Variants in CLEC4F observed in about 807,000 individuals in gnomAD.
CLEC4F encodes the protein C-type (calcium dependent, carbohydrate-recognition domain) lectin, superfamily member 13.
CLEC4F carries 45 observed loss-of-function variants against 53.4 expected under a neutral mutation model. The observed-to-expected ratio is 0.84, with a 90% CI of 0.66 to 1.08. The LOEUF is 1.08. Ranked by LOEUF, CLEC4F falls within the 50% of genes least tolerant of loss-of-function variation. CLEC4F has a pLI of 0.00. For missense variants in CLEC4F, 753 were observed against 698.2 expected, an observed-to-expected ratio of 1.08 and a Z score of -0.88; for synonymous variants, 245 against 257.5, an observed-to-expected ratio of 0.95 and a Z score of 0.46.
At chr2:70,811,530 T>C (rs1676562753) in intron 5 of CLEC4F, 1 of 385,796 alleles carries the variant, frequency 2.6e-6, no homozygotes, top group African/African-American at 2.1e-5. Flanking sequence ...AGTTGCATGT[T>C]CTTTCTCAGG....
intron 4 of CLEC4F, among the ~76,000 whole-genome samples, chr2:70,814,181 A>G (rs1490965718): frequency 1.3e-5 from 2 of 152,226 alleles, no homozygotes; most frequent in African/African-American, 2.4e-5. Flanking sequence ...CCAGCACTAA[A>G]TGGTACATCC....
chr2:70,810,314 C>G (rs1676476305), intron 5 of CLEC4F, among the ~76,000 whole-genome samples: 1 of 152,058 alleles, frequency 6.6e-6, no homozygotes, highest in Non-Finnish European at 1.5e-5. Flanking sequence ...TTATGAATAA[C>G]TTAAAAAGTA....
Position 70,809,035 on chromosome 2 carries a change from C to G in CLEC4F, c.*236G>C. On this transcript the variant is annotated 3_prime_UTR_variant, in exon 7 of 7. Coordinates refer to ENST00000272367, the MANE Select transcript of CLEC4F (RefSeq NM_173535.3). ...AATTTGGACACAGTCTTCAGTCTGC[C>G]CATTCTTGTGCCGCCAGTTGTCAGA... 2.0e-6 allele frequency: 3 copies of G among 1,501,308 alleles called. No homozygotes were observed. Among genetic ancestry groups the G allele is most frequent in the East Asian group, 4.9e-5 (2 of 40,720 alleles). The allele number at this position is 1,501,308 out of a possible 1,614,324, so 93.0% of individuals were successfully genotyped here.
rs1332441127 is a variant in CLEC4F, at chr2:70,809,343, A to G, written c.1698T>C (p.Ile566=). The change falls in exon 7 of 7, where the codon ATT becomes ATC. Residue 566 remains isoleucine, a synonymous_variant. Transcript: ENST00000272367. ...AAGCTCCCATCCCAGAATTCACAAT[A>G]ATATACTTTCTGAGTGGGCAGGATC... ...SKGSCPLRKY[I]IVNSGMGACS... 6 of 1,613,458 alleles carry G rather than the reference A, an allele frequency of 3.7e-6. No homozygotes were observed. Among genetic ancestry groups the G allele is most frequent in the Non-Finnish European group, 5.1e-6 (6 of 1,179,770 alleles).
intron 5 of CLEC4F, chr2:70,810,851 G>A (rs1676518994): frequency 5.4e-6 from 3 of 551,960 alleles, no homozygotes; most frequent in Non-Finnish European, 1.1e-5. Context: ...TCTAAAATTG[G>A]TACAATCAGG....
chr2:70,811,950 C>T (rs534032339), intron 5 of CLEC4F, among the ~76,000 whole-genome samples: 1 of 152,260 alleles, frequency 6.6e-6, no homozygotes, highest in South Asian at 2.1e-4. Context: ...TGGTGTCGTG[C>T]ATCTGTAGTC....
At chr2:70,810,618 C>CAAAAA (rs58138583) in intron 5 of CLEC4F, among the ~76,000 whole-genome samples, 1,862 of 48,680 alleles carry the variant, frequency 0.038, 148 homozygotes, top group Non-Finnish European at 0.059. Context: ...AACTCTGTCG[C>CAAAAA]AAAAAAAAAA....
intron 4 of CLEC4F, among the ~76,000 whole-genome samples, chr2:70,815,752 T>C (rs1367215326): frequency 6.6e-6 from 1 of 152,156 alleles, no homozygotes; most frequent in Non-Finnish European, 1.5e-5. Flanking sequence ...ATCACACACG[T>C]GCACCATTTA....
chr2:70,824,410 A>G (rs1448836271), upstream of CLEC4F, among the ~76,000 whole-genome samples: 1 of 152,016 alleles, frequency 6.6e-6, no homozygotes, highest in Non-Finnish European at 1.5e-5. Flanking sequence ...TGTACACACA[A>G]ATATTACTTA....
chr2:70,823,752 G>A (rs1553398463), upstream of CLEC4F, among the ~76,000 whole-genome samples: 5 of 152,328 alleles, frequency 3.3e-5, no homozygotes, highest in Admixed American at 3.3e-4. Context: ...GAACTGGCCA[G>A]GCACGGTGGC....
intron 4 of CLEC4F, among the ~76,000 whole-genome samples, chr2:70,813,603 CTTTCTT>C (rs1676714659): frequency 1.7e-4 from 19 of 108,782 alleles, no homozygotes; most frequent in African/African-American, 7.1e-4. Flanking sequence ...CTTTCTCTTT[CTTTCTT>C]TCTTTCTTTC....
chr2:70,819,436 G>T lies in CLEC4F; in HGVS notation c.187C>A (p.Gln63Lys). The T allele has an allele frequency of 6.2e-7, 1 of 1,614,024 alleles. No individual in the cohort carries two copies. The highest frequency in any genetic ancestry group is 8.5e-7 in the Non-Finnish European group (1 of 1,179,914). The change falls in exon 3 of 7, where the codon CAG (glutamine) becomes AAG (lysine). Residue 63 changes from glutamine to lysine, a missense_variant. By Grantham distance (53) the Gln-to-Lys change is moderately conservative. Transcript: ENST00000272367. ...ACAGGCTTCGGAACAGGTCTTGTCTGCTGTTGAACTGAGACATTCCATTTT... is the reference window on the plus strand; with the variant it reads ...ACAGGCTTCGGAACAGGTCTTGTCTTCTGTTGAACTGAGACATTCCATTTT... ...LVTLFVVVQQQTRPVPKPVQA... is the reference protein window; with the variant it reads ...LVTLFVVVQQKTRPVPKPVQA...
chr2:70,818,360 A>G (rs922365633), intron 3 of CLEC4F, among the ~76,000 whole-genome samples: 3 of 152,234 alleles, frequency 2.0e-5, no homozygotes, highest in Non-Finnish European at 4.4e-5. Context: ...TGCTGGAACA[A>G]TCAATTTCAC....
At chr2:70,817,398 T>G (rs1676984206) in intron 3 of CLEC4F, among the ~76,000 whole-genome samples, 1 of 152,224 alleles carries the variant, frequency 6.6e-6, no homozygotes, top group Admixed American at 6.5e-5. Flanking sequence ...CCAGGAGTCA[T>G]GCTGGTAAGG....
chr2:70,811,594 C>A, intron 5 of CLEC4F: 1 of 305,670 alleles, frequency 3.3e-6, no homozygotes, highest in South Asian at 3.2e-5. Context: ...TTCTGCAAGT[C>A]AAATTGGACC....
At chr2:70,824,964 C>T (rs2863803), upstream of CLEC4F, among the ~76,000 whole-genome samples, 91,745 of 151,834 alleles carry the variant, frequency 0.6, 28,203 homozygotes, top group Middle Eastern at 0.7. Context: ...AAGTTCAGTA[C>T]AGGAAAAGGG....
intron 5 of CLEC4F, chr2:70,811,575 G>A (rs1553394265): frequency 6.2e-6 from 2 of 321,326 alleles, no homozygotes; most frequent in Admixed American, 8.4e-5. Flanking sequence ...CCAACAGGGG[G>A]GTAGGCAGTT....
chr2:70,808,828 G>A lies in CLEC4F; in HGVS notation c.*443C>T, dbSNP rs1574360757. The A allele has an allele frequency of 2.3e-5, 12 of 520,728 alleles. No individual in the cohort carries two copies. In the East Asian group the frequency reaches 3.0e-4, roughly 13 times the overall value. 32.3% of individuals were successfully genotyped at this position (520,728 alleles called of 1,614,324 possible). ...AAGGCAGGAAGTCCACAAGGCCAACGGAAGGTCCCAGAGAACAAGCAGAGC... is the reference window on the plus strand; with the variant it reads ...AAGGCAGGAAGTCCACAAGGCCAACAGAAGGTCCCAGAGAACAAGCAGAGC... On this transcript the variant is annotated 3_prime_UTR_variant, in exon 7 of 7. Transcript: ENST00000272367.
At position 70,813,771 on chromosome 2, in the gene CLEC4F, G is replaced by A. The variant is rs139473912; in HGVS notation, c.1388-1173C>T. ...TGGCTCACTGCAACCTCTACCTCCC[G>A]GGTTCAAGCGATTCTCCTGCCTACC... On this transcript the variant is annotated intron_variant, in intron 4 of 6. Coordinates refer to ENST00000272367, the MANE Select transcript of CLEC4F (RefSeq NM_173535.3). Among the ~76,000 whole-genome samples the A allele has an allele frequency of 3.3e-3, 501 of 151,786 alleles. 1 individual carries two copies. Among genetic ancestry groups the A allele is most frequent in the African/African-American group, 0.011 (462 of 41,372 alleles).
Sources: gnomAD v4.1 joint callset for allele counts (sites outside exome capture counted in the v4.1 genomes callset) on GRCh38, gnomAD v4.1.1 for gene constraint, MANE v1.5 for transcripts, NCBI Gene and HGNC (gene_info 2026-07-23, HGNC 2026-07-21) for gene names.